The following KAZN variants were observed in gnomAD, a reference collection of about 807,000 sequenced individuals.
The protein encoded by KAZN is kazrin, periplakin interacting protein.
KAZN carries 40 observed loss-of-function variants against 87.4 expected under a neutral mutation model. That is an observed-to-expected ratio of 0.46 (90% CI 0.36 to 0.60). The LOEUF is 0.60. KAZN is among the 20% of genes least tolerant of loss of function. The pLI is 0.00. For synonymous variants in KAZN, 466 were observed against 458.3 expected (o/e 1.02, Z -0.22); for missense variants, 898 against 1,073.9 (o/e 0.84, Z 2.29).
chr1:15,034,648 A>C, intron 2 of KAZN, 101 bp from the exon 3 acceptor site: 1 of 1,388,106 alleles, frequency 7.2e-7, no homozygotes, highest in Non-Finnish European at 9.9e-7. Flanking sequence ...CTGTTTTCTC[A>C]CCTGTTACAA....
chr1:14,610,046 G>C (rs1677692557), intron 1 of KAZN, among the ~76,000 whole-genome samples: 1 of 152,230 alleles, frequency 6.6e-6, no homozygotes, highest in South Asian at 2.1e-4. Context: ...CTTCAAGACT[G>C]TGCCCTCATA....
At chr1:15,065,929 G>T in intron 8 of KAZN, 176 bp downstream of exon 8, 2 of 1,431,464 alleles carry the variant, frequency 1.4e-6, no homozygotes, top group South Asian at 3.0e-5. Context: ...ATGGGTGCTG[G>T]GTGTGGCCGA....
chr1:13,913,002 C>T (rs1272869018), intron 1 of KAZN, among the ~76,000 whole-genome samples: 1 of 152,144 alleles, frequency 6.6e-6, no homozygotes, highest in Non-Finnish European at 1.5e-5. Flanking sequence ...CTGCATGGCC[C>T]CTAAGAAGAT....
intron 1 of KAZN, among the ~76,000 whole-genome samples, chr1:14,851,978 G>A (rs140492546): frequency 1.3e-5 from 2 of 152,256 alleles, no homozygotes; most frequent in South Asian, 2.1e-4. Flanking sequence ...TGAGAAATGC[G>A]CCTGGACTTT....
intron 1 of KAZN, among the ~76,000 whole-genome samples, chr1:13,986,110 T>C (rs2223623): frequency 0.93 from 141,804 of 152,314 alleles, 66,161 homozygotes; most frequent in African/African-American, 0.98. Flanking sequence ...AGTGACTTTA[T>C]CATTTTACAT....
chr1:14,930,129 G>T, intron 1 of KAZN: 1 of 947,380 alleles, frequency 1.1e-6, no homozygotes, highest in Non-Finnish European at 1.3e-6. Flanking sequence ...TGGGCTCTGG[G>T]TGGGGCCCGT....
chr1:14,952,473 C>A (rs1015130316), intron 1 of KAZN, among the ~76,000 whole-genome samples: 1 of 152,060 alleles, frequency 6.6e-6, no homozygotes, highest in African/African-American at 2.4e-5. Context: ...AAATCTGAAA[C>A]ATGCTACTGC....
intron 1 of KAZN, among the ~76,000 whole-genome samples, chr1:14,002,170 C>G (rs367914168): frequency 1.1e-3 from 171 of 152,196 alleles, no homozygotes; most frequent in African/African-American, 3.9e-3. Flanking sequence ...ATCAAACAAC[C>G]CAGTCAAAAA....
intron 2 of KAZN, among the ~76,000 whole-genome samples, chr1:15,000,915 G>A (rs144431807): frequency 6.6e-6 from 1 of 151,722 alleles, no homozygotes; most frequent in Non-Finnish European, 1.5e-5. Context: ...ACCAGACTGG[G>A]CAACATAGCA....
At chr1:14,519,803 T>A (rs760170715) in intron 2 of KAZN, among the ~76,000 whole-genome samples, 1 of 152,064 alleles carries the variant, frequency 6.6e-6, no homozygotes, top group Admixed American at 6.5e-5. Flanking sequence ...GTCCCATGTG[T>A]CTGGCATGAC....
chr1:14,460,409 C>A (rs574179707), intron 2 of KAZN, among the ~76,000 whole-genome samples: 1 of 152,182 alleles, frequency 6.6e-6, no homozygotes, highest in Non-Finnish European at 1.5e-5. Flanking sequence ...TTGAGCAAGG[C>A]GGTGAGGATC....
chr1:14,531,577 G>A (rs1445378780), intron 2 of KAZN, among the ~76,000 whole-genome samples: 1 of 152,082 alleles, frequency 6.6e-6, no homozygotes, highest in Non-Finnish European at 1.5e-5. Flanking sequence ...GGGGATTGTG[G>A]GGTTGGGATA....
At chr1:13,915,339 T>C (rs1639807998) in intron 1 of KAZN, among the ~76,000 whole-genome samples, 1 of 152,212 alleles carries the variant, frequency 6.6e-6, no homozygotes, top group Non-Finnish European at 1.5e-5. Context: ...AAGAAAAAAA[T>C]GCACTTTGAA....
intron 1 of KAZN, among the ~76,000 whole-genome samples, chr1:14,808,615 G>C (rs1372523945): frequency 6.6e-6 from 1 of 152,030 alleles, no homozygotes; most frequent in African/African-American, 2.4e-5. Flanking sequence ...CTAAATAATG[G>C]ATGCTTTGCC....
intron 2 of KAZN, among the ~76,000 whole-genome samples, chr1:14,964,684 G>A (rs1327821629): frequency 3.9e-5 from 6 of 152,222 alleles, no homozygotes; most frequent in Non-Finnish European, 5.9e-5. Context: ...GTTGGGCGAC[G>A]CTTGTTAACA....
chr1:14,621,815 C>A lies in KAZN; in HGVS notation c.226+22592C>A, dbSNP rs146178222. Among the ~76,000 whole-genome samples the A allele has an allele frequency of 5.0e-3, 763 of 152,238 alleles. 13 individuals are homozygous for A. The highest frequency in any genetic ancestry group is 0.018 in the African/African-American group (732 of 41,534). On this transcript the variant is annotated intron_variant, in intron 1 of 14. Transcript: ENST00000376030. The stretch of plus-strand genomic sequence containing the variant: ...TTGCCTTCTGCCATGACTGTGAGGC[C>A]CCCCCTCAACCATGTGGAACTGTGA...
intron 1 of KAZN, among the ~76,000 whole-genome samples, chr1:14,050,979 A>G (rs1642304037): frequency 6.6e-6 from 1 of 152,248 alleles, no homozygotes; most frequent in Admixed American, 6.5e-5. Flanking sequence ...AAATCGAGCC[A>G]GATACCAGTT....
intron 1 of KAZN, among the ~76,000 whole-genome samples, chr1:14,671,344 A>T (rs570871637): frequency 5.3e-5 from 8 of 152,244 alleles, no homozygotes; most frequent in African/African-American, 9.6e-5. Context: ...CCTGGCACAT[A>T]GTAGGTGCTC....
intron 13 of KAZN, among the ~76,000 whole-genome samples, chr1:15,104,630 A>G (rs561950098): frequency 9.2e-5 from 14 of 152,294 alleles, no homozygotes; most frequent in African/African-American, 3.1e-4. Context: ...CTTATGGACC[A>G]GGTAAGCAGA....
Sources: gnomAD v4.1 joint callset for allele counts (sites outside exome capture counted in the v4.1 genomes callset) on GRCh38, gnomAD v4.1.1 for gene constraint, MANE v1.5 for transcripts, NCBI Gene and HGNC (gene_info 2026-07-23, HGNC 2026-07-21) for gene names.